The following OPCML variants were observed in gnomAD, a reference collection of about 807,000 sequenced individuals.
OPCML encodes the protein opioid-binding protein/cell adhesion molecule.
In OPCML, 13 loss-of-function variants were observed where a neutral mutation model predicts 37.8. The observed-to-expected ratio is 0.34, with a 90% CI of 0.22 to 0.55. The LOEUF (loss-of-function observed/expected upper bound fraction) is 0.55, where lower values mean the gene tolerates loss of function less well. OPCML is among the 20% of genes least tolerant of loss of function. The pLI is 0.91. For missense variants in OPCML, 341 were observed against 435.6 expected, an observed-to-expected ratio of 0.78 and a Z score of 1.93; for synonymous variants, 176 against 168.8, an observed-to-expected ratio of 1.04 and a Z score of -0.33.
At chr11:132,976,285 G>A (rs566845246) in intron 1 of OPCML, among the ~76,000 whole-genome samples, 6 of 152,292 alleles carry the variant, frequency 3.9e-5, no homozygotes, top group African/African-American at 1.2e-4. Flanking sequence ...AAGCTGGATC[G>A]AATGAGGTGG....
At chr11:132,487,503 G>A (rs182294608) in intron 4 of OPCML, among the ~76,000 whole-genome samples, 76 of 152,318 alleles carry the variant, frequency 5.0e-4, no homozygotes, top group Admixed American at 4.4e-3. Flanking sequence ...ACGGTGAGCA[G>A]CAAATGTGCC....
intron 1 of OPCML, among the ~76,000 whole-genome samples, chr11:133,072,882 A>G (rs995205539): frequency 6.6e-6 from 1 of 152,236 alleles, no homozygotes. Flanking sequence ...CTGGGACAGC[A>G]CATCTCAGCC....
At chr11:132,838,194 T>G (rs536954762) in intron 2 of OPCML, among the ~76,000 whole-genome samples, 2 of 152,286 alleles carry the variant, frequency 1.3e-5, no homozygotes, top group Admixed American at 1.3e-4. Flanking sequence ...TATTAAAGCC[T>G]ACTGTGGGCC....
intron 2 of OPCML, among the ~76,000 whole-genome samples, chr11:132,733,613 A>G (rs1463217085): frequency 6.6e-6 from 1 of 152,224 alleles, no homozygotes; most frequent in Non-Finnish European, 1.5e-5. Flanking sequence ...GAGACCACAC[A>G]TTAGTAGTGG....
At chr11:132,717,477 T>C (rs1195513327) in intron 2 of OPCML, among the ~76,000 whole-genome samples, 3 of 152,068 alleles carry the variant, frequency 2.0e-5, no homozygotes, top group African/African-American at 4.8e-5. Context: ...ACTGCCACTA[T>C]GCAAAGGAAA....
intron 2 of OPCML, among the ~76,000 whole-genome samples, chr11:132,664,650 T>C (rs2135796108): frequency 6.6e-6 from 1 of 152,312 alleles, no homozygotes; most frequent in South Asian, 2.1e-4. Context: ...CAAAATGAAA[T>C]ATTTTTAGAT....
chr11:133,234,190 A>G (rs1402062096), intron 1 of OPCML, among the ~76,000 whole-genome samples: 2 of 152,068 alleles, frequency 1.3e-5, no homozygotes, highest in Non-Finnish European at 2.9e-5. Context: ...ACTCTTCCAG[A>G]TCCATTTTTA....
intron 1 of OPCML, among the ~76,000 whole-genome samples, chr11:133,379,877 T>C (rs752788207): frequency 6.6e-6 from 1 of 152,208 alleles, no homozygotes; most frequent in African/African-American, 2.4e-5. Context: ...CCAGCTTAAC[T>C]GACCATAGAA....
intron 1 of OPCML, among the ~76,000 whole-genome samples, chr11:133,235,730 G>T (rs554752596): frequency 6.6e-6 from 1 of 152,164 alleles, no homozygotes. Context: ...GCTTCCTACT[G>T]CAGGGATACC....
chr11:133,052,479 G>C (rs139003491), intron 1 of OPCML, among the ~76,000 whole-genome samples: 69 of 152,318 alleles, frequency 4.5e-4, no homozygotes, highest in Non-Finnish European at 9.3e-4. Context: ...TCTTGACACT[G>C]TCTGCAGGAG....
intron 1 of OPCML, among the ~76,000 whole-genome samples, chr11:133,128,919 T>G (rs2137132563): frequency 6.6e-6 from 1 of 152,274 alleles, no homozygotes; most frequent in South Asian, 2.1e-4. Context: ...GGACCAGTTT[T>G]GCCCTCCTAC....
At chr11:133,310,727 C>T (rs915235566) in intron 1 of OPCML, among the ~76,000 whole-genome samples, 8 of 152,196 alleles carry the variant, frequency 5.3e-5, no homozygotes, top group South Asian at 4.2e-4. Flanking sequence ...ATGAGTCAAC[C>T]CACCTTAAGT....
chr11:132,526,200 A>C (rs1045208898), intron 4 of OPCML, among the ~76,000 whole-genome samples: 1 of 152,218 alleles, frequency 6.6e-6, no homozygotes, highest in Non-Finnish European at 1.5e-5. Context: ...AATGCCTTTT[A>C]AATGATTTCC....
intron 1 of OPCML, among the ~76,000 whole-genome samples, chr11:133,438,579 A>G (rs984436148): frequency 6.6e-6 from 1 of 152,212 alleles, no homozygotes; most frequent in African/African-American, 2.4e-5. Flanking sequence ...GTATGACACA[A>G]TAAGAAATAG....
chr11:132,633,268 T>A (rs1940267695), intron 3 of OPCML, among the ~76,000 whole-genome samples: 1 of 151,416 alleles, frequency 6.6e-6, no homozygotes, highest in Non-Finnish European at 1.5e-5. Context: ...AGTGGTGTGA[T>A]CTCGGCTCAC....
intron 1 of OPCML, among the ~76,000 whole-genome samples, chr11:133,034,340 T>TGTGA (rs746361652): frequency 1.1e-4 from 16 of 150,968 alleles, no homozygotes. Flanking sequence ...TGTGTGTGTG[T>TGTGA]GACAGACAGA....
intron 1 of OPCML, among the ~76,000 whole-genome samples, chr11:133,120,203 C>CAT (rs753938953): frequency 6.6e-6 from 1 of 152,150 alleles, no homozygotes; most frequent in African/African-American, 2.4e-5. Context: ...CATATTCTAA[C>CAT]ATATATATTT....
At chr11:132,754,699 A>C (rs1163531891) in intron 2 of OPCML, among the ~76,000 whole-genome samples, 1 of 152,134 alleles carries the variant, frequency 6.6e-6, no homozygotes, top group African/African-American at 2.4e-5. Context: ...TGACTAAGGG[A>C]GGGGCAGGCT....
At chr11:132,763,731 G>A (rs1221975693) in intron 2 of OPCML, among the ~76,000 whole-genome samples, 2 of 152,204 alleles carry the variant, frequency 1.3e-5, no homozygotes, top group Non-Finnish European at 2.9e-5. Context: ...CAGAGCCCTG[G>A]AGAGTGCTCT....
Sources: allele counts gnomAD v4.1 joint callset (sites outside exome capture counted in the v4.1 genomes callset), GRCh38; gene constraint gnomAD v4.1.1; transcripts MANE v1.5; gene names NCBI Gene and HGNC (gene_info 2026-07-23, HGNC 2026-07-21).